The following ARHGEF26 variants were observed in gnomAD, a reference collection of about 807,000 sequenced individuals.
ARHGEF26 encodes Rho guanine nucleotide exchange factor (GEF) 26.
ARHGEF26 carries 59 observed loss-of-function variants against 89.4 expected under a neutral mutation model. The ratio of observed to expected loss-of-function variants is 0.66; its 90% CI spans 0.54 to 0.82. The LOEUF (loss-of-function observed/expected upper bound fraction) is 0.82. ARHGEF26 is among the 40% of genes least tolerant of loss of function. The probability of loss-of-function intolerance (pLI) is 0.00; values close to 1 mark genes in which losing one functional copy is unlikely to be tolerated. For synonymous variants in ARHGEF26, 500 were observed against 428.4 expected (o/e 1.17, Z -2.06); for missense variants, 1,234 against 1,085.6 (o/e 1.14, Z -1.92).
At chr3:154,233,380 T>A (rs1716927005) in intron 11 of ARHGEF26, among the ~76,000 whole-genome samples, 1 of 152,212 alleles carries the variant, frequency 6.6e-6, no homozygotes, top group Non-Finnish European at 1.5e-5. Flanking sequence ...GTGTTTCTGT[T>A]CCATTTAAAC....
At position 154,129,593 on chromosome 3, in the gene ARHGEF26, A is replaced by G; in HGVS notation, c.1143A>G (p.Gln381=). ...TTGCAGAAAATGCTGTCCTGTATCA[A>G]AACTACAAGGAAAAGGCCCTTGACA... ...FDGEENAVLY[Q]NYKEKALDID... is the part of the protein sequence containing the mutation. Residue 381 remains glutamine (Q), a synonymous_variant, in exon 4 of 15, where the codon CAA becomes CAG. Transcript: ENST00000465093. 1.2e-6 allele frequency: 2 copies of G among 1,611,924 alleles called. No individual in the cohort carries two copies. Among genetic ancestry groups the G allele is most frequent in the South Asian group, 1.1e-5 (1 of 90,448 alleles).
intron 9 of ARHGEF26, among the ~76,000 whole-genome samples, chr3:154,208,692 C>G (rs1715180923): frequency 6.6e-6 from 1 of 150,940 alleles, no homozygotes; most frequent in South Asian, 2.1e-4. Flanking sequence ...TTCAAGCTCA[C>G]TAATTTTTTC....
At chr3:154,141,259 C>T (rs1719363573) in intron 4 of ARHGEF26, among the ~76,000 whole-genome samples, 1 of 152,212 alleles carries the variant, frequency 6.6e-6, no homozygotes, top group Non-Finnish European at 1.5e-5. Context: ...GCCACCGTGC[C>T]TGGCCTTCCA....
intron 11 of ARHGEF26, among the ~76,000 whole-genome samples, chr3:154,238,546 A>C (rs985320598): frequency 4.1e-4 from 63 of 152,234 alleles, no homozygotes; most frequent in African/African-American, 1.5e-3. Flanking sequence ...AATCTTGAGC[A>C]AAGTGGCCTG....
chr3:154,234,190 T>C (rs1716975673), intron 11 of ARHGEF26, among the ~76,000 whole-genome samples: 1 of 152,182 alleles, frequency 6.6e-6, no homozygotes, highest in Non-Finnish European at 1.5e-5. Context: ...CTGAGAGACG[T>C]GGGTTGTGGG....
chr3:154,187,867 TC>T, intron 7 of ARHGEF26, 30 bp downstream of exon 7: 1 of 1,574,984 alleles, frequency 6.3e-7, no homozygotes, highest in Non-Finnish European at 8.6e-7. Flanking sequence ...ACAGTTTTAA[TC>T]ATCTAACCTA....
At chr3:154,158,453 G>A (rs1168665425) in intron 6 of ARHGEF26, among the ~76,000 whole-genome samples, 4 of 152,166 alleles carry the variant, frequency 2.6e-5, no homozygotes, top group Non-Finnish European at 5.9e-5. Context: ...CCTAAGAAGG[G>A]TGACACACTT....
At chr3:154,205,818 G>T (rs1320611386) in intron 9 of ARHGEF26, among the ~76,000 whole-genome samples, 1 of 152,020 alleles carries the variant, frequency 6.6e-6, no homozygotes, top group Non-Finnish European at 1.5e-5. Flanking sequence ...TGTTGTTTCT[G>T]TTTATATCTT....
intron 6 of ARHGEF26, chr3:154,187,156 C>T (rs928476157): frequency 1.4e-5 from 13 of 897,586 alleles, no homozygotes; most frequent in South Asian, 5.1e-5. Flanking sequence ...TCCCAGAGTG[C>T]TGGGATTACA....
chr3:154,238,682 T>C (rs1717268697), intron 11 of ARHGEF26, among the ~76,000 whole-genome samples: 1 of 152,212 alleles, frequency 6.6e-6, no homozygotes, highest in Non-Finnish European at 1.5e-5. Context: ...TAGCGTATAT[T>C]AGAATTTATT....
Position 154,124,392 on chromosome 3 carries a change from CT to C in ARHGEF26, c.1084-10del, listed in dbSNP as rs777887765. 4.5e-4 allele frequency: 303 copies of C among 671,488 alleles called. 1 individual carries two copies. Among genetic ancestry groups the C allele is most frequent in the Middle Eastern group, 9.2e-4 (2 of 2,170 alleles). The allele number at this position is 671,488 out of a possible 1,614,324, so 41.6% of individuals were successfully genotyped here. A position where few individuals can be genotyped will look rare whatever the true frequency, so the allele number is the denominator to read the frequency against. The stretch of plus-strand genomic sequence containing the variant: ...TTTTCCTTTTTTTTTTTTTTTTTTA[CT>C]TTTTTTTGTCTCTTAGAAAAAAATG... On this transcript the variant is annotated splice_polypyrimidine_tract_variant and intron_variant, in intron 2 of 14. Transcript: ENST00000465093.
chr3:154,176,832 T>C (rs1272122608), intron 6 of ARHGEF26, among the ~76,000 whole-genome samples: 1 of 152,184 alleles, frequency 6.6e-6, no homozygotes, highest in African/African-American at 2.4e-5. Context: ...TTTTATGAGA[T>C]GAGGTTTTCC....
chr3:154,207,673 T>C (rs1431784428), intron 9 of ARHGEF26, among the ~76,000 whole-genome samples: 4 of 152,204 alleles, frequency 2.6e-5, no homozygotes, highest in Non-Finnish European at 5.9e-5. Context: ...TCAACCATTA[T>C]TGAAGACAGT....
intron 11 of ARHGEF26, among the ~76,000 whole-genome samples, chr3:154,239,293 AGAGAGAGTGTGT>A (rs1717334098): frequency 3.6e-4 from 21 of 59,036 alleles, no homozygotes; most frequent in African/African-American, 1.1e-3. Context: ...AGAGAGAGAG[AGAGAGAGTGTGT>A]GTGTGTGTGT....
Position 154,181,793 on chromosome 3 carries a change from A to G in ARHGEF26, c.1488-5892A>G, listed in dbSNP as rs114258256. Among the ~76,000 whole-genome samples the G allele has an allele frequency of 8.0e-3, 1,220 of 152,276 alleles. 16 individuals carry two copies. The highest frequency in any genetic ancestry group is 0.027 in the African/African-American group (1,124 of 41,544). On this transcript the variant is annotated intron_variant, in intron 6 of 14. Transcript: ENST00000465093. ...TACCTAGCACAGTTCTGGGAAGCCAACTTGTGGTCAATTAAATATATGTTG... is the reference window on the plus strand; with the variant it reads ...TACCTAGCACAGTTCTGGGAAGCCAGCTTGTGGTCAATTAAATATATGTTG...
chr3:154,195,604 C>T (rs976196354), intron 9 of ARHGEF26, among the ~76,000 whole-genome samples: 3 of 152,136 alleles, frequency 2.0e-5, no homozygotes, highest in Non-Finnish European at 4.4e-5. Flanking sequence ...TTGTCTGTGG[C>T]TTGGGCAGCG....
At position 154,122,370 on chromosome 3, in the gene ARHGEF26, A is replaced by C. The variant is rs925828995; in HGVS notation, c.378A>C (p.Lys126Asn). Residue 126 changes from lysine to asparagine, a missense_variant, in exon 2 of 15, where the codon AAA (lysine) becomes AAC (asparagine). By Grantham distance (94) the Lys-to-Asn change is moderately conservative. Coordinates refer to ENST00000465093, the MANE Select transcript of ARHGEF26 (RefSeq NM_015595.4). Reference protein sequence around the residue: ...LPKAVPGGSPKSPANGAVTLP... With the variant: ...LPKAVPGGSPNSPANGAVTLP... ...AAGCGGTGCCTGGCGGCTCCCCGAAATCCCCAGCAAATGGCGCGGTGACCT... is the reference window on the plus strand; with the variant it reads ...AAGCGGTGCCTGGCGGCTCCCCGAACTCCCCAGCAAATGGCGCGGTGACCT... 2.5e-6 allele frequency: 4 copies of C among 1,612,348 alleles called. No homozygotes were observed. The highest frequency in any genetic ancestry group is 3.4e-6 in the Non-Finnish European group (4 of 1,179,586).
At chr3:154,123,879 G>A in intron 2 of ARHGEF26, among the ~76,000 whole-genome samples, 1 of 150,796 alleles carries the variant, frequency 6.6e-6, no homozygotes, top group Non-Finnish European at 1.5e-5. Context: ...TGGAGTGTGT[G>A]CTTCCTTCCA....
chr3:154,214,809 G>GT (rs1357311790), intron 9 of ARHGEF26, among the ~76,000 whole-genome samples: 2 of 152,082 alleles, frequency 1.3e-5, no homozygotes, highest in African/African-American at 4.8e-5. Flanking sequence ...GCAGTTTCAG[G>GT]TTGCTCCTGT....
Sources: gnomAD v4.1 joint callset for allele counts (sites outside exome capture counted in the v4.1 genomes callset) on GRCh38, gnomAD v4.1.1 for gene constraint, MANE v1.5 for transcripts, NCBI Gene and HGNC (gene_info 2026-07-23, HGNC 2026-07-21) for gene names.